Variants in PYHIN1 observed in about 807,000 individuals in gnomAD.
The protein encoded by PYHIN1 is pyrin and HIN domain-containing protein 1.
PYHIN1 carries 32 observed loss-of-function variants against 43.7 expected under a neutral mutation model. That is an observed-to-expected ratio of 0.73 (90% CI 0.55 to 0.98). PYHIN1 has a LOEUF of 0.98. Ranked by LOEUF, PYHIN1 falls within the 50% of genes least tolerant of loss-of-function variation. The probability of loss-of-function intolerance (pLI) is 0.00; values close to 1 mark genes in which losing one functional copy is unlikely to be tolerated. For synonymous variants in PYHIN1, 205 were observed against 203.1 expected (o/e 1.01, Z -0.08); for missense variants, 588 against 589.5 (o/e 1.00, Z 0.03).
chr1:158,947,190 T>C (rs1384150215), intron 7 of PYHIN1, among the ~76,000 whole-genome samples: 1 of 152,236 alleles, frequency 6.6e-6, no homozygotes, highest in Non-Finnish European at 1.5e-5. Context: ...GTTAAGTATA[T>C]TCTTTGAGAC....
At position 158,942,231 on chromosome 1, in the gene PYHIN1, T is replaced by C; in HGVS notation, c.834T>C (p.Asn278=). 1 of 1,614,048 alleles carries C rather than the reference T, an allele frequency of 6.2e-7. No homozygotes were observed. The highest frequency in any genetic ancestry group is 8.5e-7 in the Non-Finnish European group (1 of 1,179,950). ...IIIISNYSKR[N]SLLEVNEASS... ...TTATATCAAATTATTCCAAACGTAA[T>C]AGTCTCCTAGAGGTGAATGAAGCCT... The change falls in exon 5 of 9, where the codon AAT becomes AAC. Residue 278 remains asparagine, a synonymous_variant. Coordinates refer to ENST00000368140, the MANE Select transcript of PYHIN1 (RefSeq NM_152501.5).
chr1:158,935,032 A>C (rs985606061), intron 1 of PYHIN1, among the ~76,000 whole-genome samples: 6 of 152,202 alleles, frequency 3.9e-5, no homozygotes, highest in African/African-American at 7.2e-5. Context: ...AATCCATAGC[A>C]TGCTTTGAGT....
intron 7 of PYHIN1, among the ~76,000 whole-genome samples, chr1:158,959,055 G>A (rs1650163510): frequency 6.6e-6 from 1 of 151,252 alleles, no homozygotes; most frequent in Non-Finnish European, 1.5e-5. Context: ...GGGCACTAAT[G>A]ACTTACTGAC....
At chr1:158,983,626 T>C in the PYHIN1 span, among the ~76,000 whole-genome samples, 2 of 152,150 alleles carry the variant, frequency 1.3e-5, no homozygotes, top group African/African-American at 2.4e-5. Context: ...CTGTCAGGTT[T>C]TGGTATCAGA....
chr1:158,979,235 A>T (rs1375467026), downstream of PYHIN1, among the ~76,000 whole-genome samples: 2 of 152,194 alleles, frequency 1.3e-5, no homozygotes. Context: ...AGTGTTGTGC[A>T]GCAGATCTAC....
chr1:158,932,994 T>C (rs1648257025), intron 1 of PYHIN1, among the ~76,000 whole-genome samples: 1 of 152,144 alleles, frequency 6.6e-6, no homozygotes, highest in Non-Finnish European at 1.5e-5. Context: ...GATTTATATA[T>C]GTTAGATAAA....
At chr1:158,951,317 T>C (rs1307859169) in intron 7 of PYHIN1, among the ~76,000 whole-genome samples, 2 of 152,092 alleles carry the variant, frequency 1.3e-5, no homozygotes, top group Admixed American at 6.5e-5. Context: ...CTGGAATGTG[T>C]GTAATAAAAA....
intron 7 of PYHIN1, among the ~76,000 whole-genome samples, chr1:158,962,417 A>G (rs1650373446): frequency 6.6e-6 from 1 of 152,146 alleles, no homozygotes; most frequent in African/African-American, 2.4e-5. Context: ...TCCCCAACAC[A>G]CTGGAGCCAC....
intron 7 of PYHIN1, among the ~76,000 whole-genome samples, chr1:158,962,604 T>C (rs1650387344): frequency 6.6e-6 from 1 of 152,066 alleles, no homozygotes; most frequent in Non-Finnish European, 1.5e-5. Context: ...AACCCACAAC[T>C]CCTCCACCAT....
intron 7 of PYHIN1, among the ~76,000 whole-genome samples, chr1:158,960,528 G>A (rs558375075): frequency 6.6e-6 from 1 of 152,204 alleles, no homozygotes; most frequent in Non-Finnish European, 1.5e-5. Context: ...TTTATTCTTG[G>A]GTGTCCAACT....
chr1:158,968,040 A>G (rs957725022), intron 7 of PYHIN1, among the ~76,000 whole-genome samples: 3 of 152,098 alleles, frequency 2.0e-5, no homozygotes, highest in Admixed American at 1.3e-4. Context: ...CCTGGAAAAG[A>G]CTTCGTTTTG....
At chr1:158,983,766 C>T in the PYHIN1 span, among the ~76,000 whole-genome samples, 1 of 152,030 alleles carries the variant, frequency 6.6e-6, no homozygotes, top group Non-Finnish European at 1.5e-5. Flanking sequence ...TCTGTCTGAT[C>T]CATGGCTTTT....
intron 8 of PYHIN1, 79 bp downstream of exon 8, chr1:158,973,850 TTTAAATTCTGA>T: frequency 6.9e-7 from 1 of 1,457,142 alleles, no homozygotes; most frequent in Non-Finnish European, 9.4e-7. Context: ...GGGATTCTCA[TTTAAATTCTGA>T]CTATATATTA....
chr1:158,935,823 A>G (rs1384049587), intron 1 of PYHIN1, among the ~76,000 whole-genome samples: 2 of 152,138 alleles, frequency 1.3e-5, no homozygotes, highest in Non-Finnish European at 2.9e-5. Flanking sequence ...GCCCCAGTAA[A>G]GGATGGGAAG....
At chr1:158,953,457 A>G (rs527617793) in intron 7 of PYHIN1, among the ~76,000 whole-genome samples, 201 of 150,640 alleles carry the variant, frequency 1.3e-3, no homozygotes, top group Middle Eastern at 6.8e-3. Context: ...ACCCCCGAGC[A>G]GCCTAACTGG....
intron 7 of PYHIN1, among the ~76,000 whole-genome samples, chr1:158,965,783 A>T (rs1177521993): frequency 6.6e-6 from 1 of 152,132 alleles, no homozygotes; most frequent in Non-Finnish European, 1.5e-5. Flanking sequence ...ACATCAAAAA[A>T]TTTAAAAGAT....
intron 7 of PYHIN1, among the ~76,000 whole-genome samples, chr1:158,967,946 A>G (rs1362989383): frequency 6.6e-6 from 1 of 152,132 alleles, no homozygotes; most frequent in Non-Finnish European, 1.5e-5. Context: ...AGTCAATTCA[A>G]GATGAATTGA....
the PYHIN1 span, among the ~76,000 whole-genome samples, chr1:158,988,674 C>T: frequency 6.6e-6 from 1 of 152,104 alleles, no homozygotes; most frequent in African/African-American, 2.4e-5. Context: ...AACTTGGATA[C>T]TTAGCTGAGG....
intron 7 of PYHIN1, among the ~76,000 whole-genome samples, chr1:158,962,480 T>C (rs2101710322): frequency 6.6e-6 from 1 of 152,254 alleles, no homozygotes; most frequent in African/African-American, 2.4e-5. Flanking sequence ...TTCACATTTC[T>C]CCTCACTGGG....
Sources: gnomAD v4.1 joint callset for allele counts (sites outside exome capture counted in the v4.1 genomes callset) on GRCh38, gnomAD v4.1.1 for gene constraint, MANE v1.5 for transcripts, NCBI Gene and HGNC (gene_info 2026-07-23, HGNC 2026-07-21) for gene names.